The following ANGPTL5 variants were observed in gnomAD, a reference collection of about 807,000 sequenced individuals.
ANGPTL5 encodes angiopoietin like 5, also known as angiopoietin-related protein 5.
In ANGPTL5, 34 loss-of-function variants were observed where a neutral mutation model predicts 39.4. The ratio of observed to expected loss-of-function variants is 0.86; its 90% CI spans 0.66 to 1.15. ANGPTL5 has a LOEUF of 1.15. Among genes scored for constraint, ANGPTL5 ranks in the 50% most tolerant of loss-of-function variants. ANGPTL5 has a pLI of 0.00. For synonymous variants in ANGPTL5, 146 were observed against 152.1 expected, an observed-to-expected ratio of 0.96 and a Z score of 0.29; for missense variants, 467 against 457.5, an observed-to-expected ratio of 1.02 and a Z score of -0.19.
rs746859850 is a variant in ANGPTL5, at chr11:101,904,806, GT to G, written c.439+7del. 27 of 1,609,024 alleles carry G rather than the reference GT, an allele frequency of 1.7e-5. No homozygotes were observed. In the African/African-American group the frequency reaches 3.3e-4, roughly 20 times the overall value. On this transcript the variant is annotated splice_region_variant and intron_variant, in intron 5 of 8. Transcript: ENST00000334289. ...AACATGAAAAGGCTGAAATACCAAA[GT>G]TCTCACCATGTGACTGAACAGGTCT...
At position 101,916,300 on chromosome 11, in the gene ANGPTL5, A is replaced by C. The variant is rs983701402; in HGVS notation, c.-374T>G. The C allele has an allele frequency of 6.6e-6, 1 of 152,226 alleles. No homozygotes were observed. The highest frequency in any genetic ancestry group is 2.4e-5 in the African/African-American group (1 of 41,464). 9.4% of individuals were successfully genotyped at this position (152,226 alleles called of 1,614,324 possible). ...GTACTCTGTTACAATTTTAGCAGCA[A>C]GTCAACAATTTGTATTGAGTGCCTG... On this transcript the variant is annotated 5_prime_UTR_variant, in exon 1 of 9. Coordinates refer to ENST00000334289, the MANE Select transcript of ANGPTL5 (RefSeq NM_178127.5).
chr11:101,910,889 G>A (rs565608515), intron 1 of ANGPTL5, among the ~76,000 whole-genome samples: 2 of 152,108 alleles, frequency 1.3e-5, no homozygotes, highest in African/African-American at 2.4e-5. Context: ...AACAACTAGA[G>A]GGTCTCTTTA....
Position 101,891,229 on chromosome 11 carries a change from A to C in ANGPTL5, c.*50T>G. The C allele has an allele frequency of 4.0e-6, 6 of 1,502,322 alleles. No individual in the cohort carries two copies. Among genetic ancestry groups the C allele is most frequent in the Non-Finnish European group, 5.4e-6 (6 of 1,103,332 alleles). 93.1% of individuals were successfully genotyped at this position (1,502,322 alleles called of 1,614,324 possible). A position where few individuals can be genotyped will look rare whatever the true frequency, so the allele number is the denominator to read the frequency against. ...TAAGTGAAAAGATAAACTTTTAAAA[A>C]TCTTTAATATATTATCATTGTAGAA... On this transcript the variant is annotated 3_prime_UTR_variant, in exon 9 of 9. Transcript: ENST00000334289.
chr11:101,905,323 T>C (rs1270228079), intron 4 of ANGPTL5, among the ~76,000 whole-genome samples: 1 of 152,162 alleles, frequency 6.6e-6, no homozygotes, highest in Non-Finnish European at 1.5e-5. Flanking sequence ...CAGTTTTCCT[T>C]AAATACTCAA....
Position 101,891,014 on chromosome 11 carries a change from A to G in ANGPTL5, c.*265T>C, listed in dbSNP as rs927421772. The G allele has an allele frequency of 4.9e-5, 13 of 265,298 alleles. No individual in the cohort carries two copies. Among genetic ancestry groups the G allele is most frequent in the African/African-American group, 2.2e-4 (10 of 45,182 alleles). The allele number at this position is 265,298 out of a possible 1,614,324, so 16.4% of individuals were successfully genotyped here. ...GCAAAATCCTTTAAAATCACTATAA[A>G]TTTTAGGAAGACAAGTTGTAGTTCA... is the stretch of plus-strand genomic sequence containing the variant. On this transcript the variant is annotated 3_prime_UTR_variant, in exon 9 of 9. Transcript: ENST00000334289.
intron 1 of ANGPTL5, among the ~76,000 whole-genome samples, chr11:101,909,280 A>G (rs1267799360): frequency 6.6e-6 from 1 of 152,242 alleles, no homozygotes; most frequent in Non-Finnish European, 1.5e-5. Context: ...GAGTTTCTCC[A>G]GTGAGACAGT....
intron 2 of ANGPTL5, 93 bp downstream of exon 2, chr11:101,907,721 T>C: frequency 2.5e-6 from 2 of 811,500 alleles, no homozygotes; most frequent in Non-Finnish European, 4.0e-6. Context: ...AAATTATATT[T>C]GGTAGTTATG....
At chr11:101,909,965 G>T (rs1377088252) in intron 1 of ANGPTL5, among the ~76,000 whole-genome samples, 2 of 152,142 alleles carry the variant, frequency 1.3e-5, no homozygotes, top group Non-Finnish European at 1.5e-5. Flanking sequence ...GCAATCACAT[G>T]ATTCCTCTAC....
chr11:101,895,743 T>C (rs146458420), intron 7 of ANGPTL5, among the ~76,000 whole-genome samples: 23 of 152,296 alleles, frequency 1.5e-4, no homozygotes, highest in African/African-American at 5.5e-4. Flanking sequence ...ACTTCTTGCA[T>C]ACATATTCTA....
At chr11:101,907,624 A>C (rs1465125845) in intron 2 of ANGPTL5, among the ~76,000 whole-genome samples, 190 bp downstream of exon 2, 1 of 152,130 alleles carries the variant, frequency 6.6e-6, no homozygotes, top group Non-Finnish European at 1.5e-5. Flanking sequence ...TGTTGAATCA[A>C]TCCTCAGTTT....
chr11:101,900,313 A>T, intron 7 of ANGPTL5, 117 bp downstream of exon 7: 1 of 1,023,872 alleles, frequency 9.8e-7, no homozygotes, highest in Non-Finnish European at 1.5e-6. Flanking sequence ...GATTTAAGTT[A>T]TATTTTGATA....
At chr11:101,894,378 T>C (rs2137050083) in intron 8 of ANGPTL5, among the ~76,000 whole-genome samples, 1 of 152,358 alleles carries the variant, frequency 6.6e-6, no homozygotes, top group Admixed American at 6.5e-5. Flanking sequence ...TAAATTTATT[T>C]GGAAATGAGC....
intron 6 of ANGPTL5, among the ~76,000 whole-genome samples, chr11:101,901,435 T>C (rs1438667489): frequency 6.6e-6 from 1 of 152,110 alleles, no homozygotes; most frequent in Non-Finnish European, 1.5e-5. Context: ...CTGTGCCCAC[T>C]CAGCAGGTGC....
chr11:101,898,555 G>C (rs1301553136), intron 7 of ANGPTL5, among the ~76,000 whole-genome samples: 1 of 152,176 alleles, frequency 6.6e-6, no homozygotes, highest in East Asian at 1.9e-4. Context: ...CTGAGGCAAT[G>C]GGGTTTTCAA....
Position 101,895,012 on chromosome 11 carries a change from AT to A in ANGPTL5, c.713del (p.Asn238IlefsTer27). ...KKIFYIVNQK[N>X]TSFMLYVALE... Reference sequence around the variant, plus strand: ...AAGCCACATACAGCATAAAACTGGTATTTTTCTGATTTACTATATAAAAAAT... The same window carrying A: ...AAGCCACATACAGCATAAAACTGGTATTTTCTGATTTACTATATAAAAAAT... On this transcript the variant is annotated frameshift_variant, in exon 8 of 9. Transcript: ENST00000334289. LOFTEE classifies it high-confidence loss of function. The A allele has an allele frequency of 1.2e-6, 2 of 1,607,716 alleles. No homozygotes were observed. The highest frequency in any genetic ancestry group is 1.7e-6 in the Non-Finnish European group (2 of 1,176,458).
chr11:101,901,565 A>G (rs1939900197), intron 6 of ANGPTL5, among the ~76,000 whole-genome samples: 1 of 152,144 alleles, frequency 6.6e-6, no homozygotes, highest in South Asian at 2.1e-4. Flanking sequence ...CTTCCCGCAT[A>G]GAGACAGAGA....
intron 4 of ANGPTL5, 151 bp downstream of exon 4, chr11:101,905,593 T>C (rs1236273305): frequency 1.6e-6 from 1 of 618,498 alleles, no homozygotes; most frequent in Non-Finnish European, 2.8e-6. Flanking sequence ...TACTGCTTTT[T>C]GTTTGCCTAA....
chr11:101,897,595 C>T (rs982942119), intron 7 of ANGPTL5, among the ~76,000 whole-genome samples: 1 of 152,154 alleles, frequency 6.6e-6, no homozygotes, highest in African/African-American at 2.4e-5. Context: ...TTTCCCAGCA[C>T]CATTTATTAA....
chr11:101,894,768 T>C, intron 8 of ANGPTL5, 111 bp downstream of exon 8: 2 of 1,047,040 alleles, frequency 1.9e-6, no homozygotes, highest in East Asian at 2.6e-5. Flanking sequence ...ATCTATCCTG[T>C]TATCAGTTAT....
Sources: gnomAD v4.1 joint callset for allele counts (sites outside exome capture counted in the v4.1 genomes callset) on GRCh38, gnomAD v4.1.1 for gene constraint, MANE v1.5 for transcripts, NCBI Gene and HGNC (gene_info 2026-07-23, HGNC 2026-07-21) for gene names.